The following MAF variants were observed in gnomAD, a reference collection of about 807,000 sequenced individuals.
MAF encodes the protein MAF bZIP transcription factor, also known as transcription factor Maf.
In MAF, 10 loss-of-function variants were observed where a neutral mutation model predicts 22.0. The ratio of observed to expected loss-of-function variants is 0.45; its 90% CI spans 0.28 to 0.77. The LOEUF is 0.77. Ranked by LOEUF, MAF falls within the 30% of genes least tolerant of loss-of-function variation. The pLI, the probability that MAF is intolerant of heterozygous loss-of-function variation, is 0.12. For synonymous variants in MAF, 337 were observed against 255.8 expected (o/e 1.32, Z -3.03); for missense variants, 544 against 548.4 (o/e 0.99, Z 0.08).
the MAF span, among the ~76,000 whole-genome samples, chr16:79,551,439 C>A: frequency 6.6e-6 from 1 of 152,138 alleles, no homozygotes; most frequent in African/African-American, 2.4e-5. Flanking sequence ...CAGGCATAAC[C>A]AAGCTTGAGT....
At chr16:79,323,689 A>G in the MAF span, among the ~76,000 whole-genome samples, 11 of 152,172 alleles carry the variant, frequency 7.2e-5, no homozygotes, top group African/African-American at 2.7e-4. Flanking sequence ...ACCTCTCCAC[A>G]GTCTGTGCCA....
the MAF span, among the ~76,000 whole-genome samples, chr16:79,278,950 A>T: frequency 2.0e-5 from 3 of 152,130 alleles, no homozygotes; most frequent in South Asian, 2.1e-4. Context: ...AGGCTGGAGG[A>T]GGAGGAATTC....
chr16:79,369,395 T>A, the MAF span, among the ~76,000 whole-genome samples: 1 of 152,186 alleles, frequency 6.6e-6, no homozygotes, highest in Non-Finnish European at 1.5e-5. Context: ...TATTTTTCTA[T>A]TACATGACAC....
the MAF span, among the ~76,000 whole-genome samples, chr16:79,485,506 C>G: frequency 1.3e-5 from 2 of 152,332 alleles, no homozygotes; most frequent in South Asian, 2.1e-4. Flanking sequence ...TGATAACCGT[C>G]TCTGAGCCCA....
At chr16:79,434,753 A>AG in the MAF span, among the ~76,000 whole-genome samples, 1 of 152,170 alleles carries the variant, frequency 6.6e-6, no homozygotes, top group Non-Finnish European at 1.5e-5. Context: ...ATGATAGAAT[A>AG]GGAAATGATA....
the MAF span, among the ~76,000 whole-genome samples, chr16:79,209,038 G>A: frequency 1.3e-5 from 2 of 152,286 alleles, no homozygotes; most frequent in East Asian, 3.9e-4. Flanking sequence ...TGCCCCTCCT[G>A]TGTACTGTGT....
At chr16:79,470,131 C>G in the MAF span, among the ~76,000 whole-genome samples, 1 of 152,332 alleles carries the variant, frequency 6.6e-6, no homozygotes, top group East Asian at 1.9e-4. Context: ...TGGCATTTTT[C>G]CGGGATGTGC....
At chr16:79,517,766 G>T in the MAF span, among the ~76,000 whole-genome samples, 1 of 152,082 alleles carries the variant, frequency 6.6e-6, no homozygotes, top group East Asian at 1.9e-4. Flanking sequence ...GTAGAGACAG[G>T]GTTTCACCAT....
the MAF span, among the ~76,000 whole-genome samples, chr16:79,217,046 G>C: frequency 6.6e-6 from 1 of 152,216 alleles, no homozygotes; most frequent in Non-Finnish European, 1.5e-5. Flanking sequence ...CTGCCCTAAA[G>C]TGATCCAACT....
chr16:79,578,615 T>C, the MAF span, among the ~76,000 whole-genome samples: 19 of 152,252 alleles, frequency 1.2e-4, 1 homozygote, highest in African/African-American at 4.6e-4. Context: ...TAAATAACAC[T>C]TATCTCCCAT....
the MAF span, among the ~76,000 whole-genome samples, chr16:79,466,379 G>A: frequency 6.6e-6 from 1 of 152,232 alleles, no homozygotes; most frequent in Non-Finnish European, 1.5e-5. Flanking sequence ...CTCACTCTCA[G>A]TAATGGTGTT....
chr16:79,360,057 T>A, the MAF span, among the ~76,000 whole-genome samples: 1 of 152,132 alleles, frequency 6.6e-6, no homozygotes, highest in Non-Finnish European at 1.5e-5. Context: ...TTCAGGTTCA[T>A]GCAAGGAAGG....
chr16:79,523,606 T>C, the MAF span, among the ~76,000 whole-genome samples: 1 of 152,120 alleles, frequency 6.6e-6, no homozygotes, highest in Non-Finnish European at 1.5e-5. Context: ...AGAAGACAGA[T>C]GAGTACACGA....
the MAF span, among the ~76,000 whole-genome samples, chr16:79,556,983 T>A: frequency 1.0e-4 from 15 of 146,046 alleles, no homozygotes; most frequent in Non-Finnish European, 1.9e-4. Flanking sequence ...CAACAAGCTT[T>A]AAAAAAAAAA....
At chr16:79,466,842 G>A in the MAF span, among the ~76,000 whole-genome samples, 8 of 152,262 alleles carry the variant, frequency 5.3e-5, no homozygotes, top group South Asian at 8.3e-4. Context: ...TCCCCTGCCC[G>A]CGACACCAAA....
At chr16:79,269,440 G>A in the MAF span, among the ~76,000 whole-genome samples, 5 of 152,024 alleles carry the variant, frequency 3.3e-5, no homozygotes, top group East Asian at 9.6e-4. Flanking sequence ...CTTTCTCTCT[G>A]GCGAATGGAG....
the MAF span, among the ~76,000 whole-genome samples, chr16:79,249,569 A>G: frequency 7.9e-5 from 12 of 152,312 alleles, no homozygotes; most frequent in African/African-American, 2.9e-4. Flanking sequence ...CCCAGCCTCC[A>G]GAACTATAAG....
the MAF span, among the ~76,000 whole-genome samples, chr16:79,531,045 C>G: frequency 6.6e-6 from 1 of 152,194 alleles, no homozygotes; most frequent in Non-Finnish European, 1.5e-5. Flanking sequence ...CTCTAATTTC[C>G]TAAATATCCG....
chr16:79,369,194 T>A, the MAF span, among the ~76,000 whole-genome samples: 1 of 152,248 alleles, frequency 6.6e-6, no homozygotes, highest in Admixed American at 6.5e-5. Flanking sequence ...CAGAGTTTTG[T>A]AGCCAGTAAG....
Sources: gnomAD v4.1 joint callset for allele counts (sites outside exome capture counted in the v4.1 genomes callset) on GRCh38, gnomAD v4.1.1 for gene constraint, MANE v1.5 for transcripts, NCBI Gene and HGNC (gene_info 2026-07-23, HGNC 2026-07-21) for gene names.